METTL2B: variants seen among roughly 807,000 people sequenced by gnomAD.
METTL2B encodes the protein methyltransferase 2B, tRNA N3-cytidine.
A neutral mutation model predicts 51.0 loss-of-function variants in METTL2B; 28 were observed. That is an observed-to-expected ratio of 0.55 (90% CI 0.41 to 0.75). The LOEUF (loss-of-function observed/expected upper bound fraction) is 0.75, where lower values mean the gene tolerates loss of function less well. Ranked by LOEUF, METTL2B falls within the 30% of genes least tolerant of loss-of-function variation. The pLI is 0.00. For synonymous variants in METTL2B, 128 were observed against 166.3 expected, an observed-to-expected ratio of 0.77 and a Z score of 1.77; for missense variants, 313 against 460.7, an observed-to-expected ratio of 0.68 and a Z score of 2.93.
At chr7:128,501,040 A>G (rs1393657574) in intron 8 of METTL2B, 72 bp downstream of exon 8, 1 of 1,603,766 alleles carries the variant, frequency 6.2e-7, no homozygotes, top group African/African-American at 1.3e-5. Flanking sequence ...TTCAGAAGGA[A>G]AACTATCTGG....
In METTL2B at chr7:128,492,112, C is replaced by A. The variant is rs543060165; in HGVS notation, c.670-1692C>A. ...CTCCTGGGCTCAAGTGATTCTCCCA[C>A]CTCCTGTGTAACTGGGACTACGGGC... On this transcript the variant is annotated intron_variant, in intron 5 of 8. Coordinates refer to ENST00000262432, the MANE Select transcript of METTL2B (RefSeq NM_018396.3). 1.1e-4 allele frequency among the ~76,000 whole-genome samples: 17 copies of A among 152,006 alleles called. 1 individual carries two copies. Among genetic ancestry groups the A allele is most frequent in the African/African-American group, 4.1e-4 (17 of 41,474 alleles).
Position 128,499,676 on chromosome 7 carries a change from G to A in METTL2B, c.917-1227G>A, listed in dbSNP as rs533859420. ...CGAGACTACAGGCATGTGCCACCACGCCTGGCTAATTTTTTTGTATTTTTA... is the reference window on the plus strand; with the variant it reads ...CGAGACTACAGGCATGTGCCACCACACCTGGCTAATTTTTTTGTATTTTTA... On this transcript the variant is annotated intron_variant, in intron 7 of 8. Transcript: ENST00000262432. Among the ~76,000 whole-genome samples, 79 of 89,304 alleles carry A rather than the reference G, an allele frequency of 8.8e-4. 3 individuals are homozygous for A. Among genetic ancestry groups the A allele is most frequent in the African/African-American group, 2.6e-3 (75 of 28,778 alleles). The allele number at this position is 89,304 out of a possible 152,430, so 58.6% of individuals were successfully genotyped here. A position where few individuals can be genotyped will look rare whatever the true frequency, so the allele number is the denominator to read the frequency against.
chr7:128,487,186 A>G (rs1792734698), intron 4 of METTL2B, among the ~76,000 whole-genome samples: 1 of 152,096 alleles, frequency 6.6e-6, no homozygotes, highest in Admixed American at 6.6e-5. Context: ...TCTTGATTAT[A>G]CCTCCCAGAA....
chr7:128,484,217 C>CTTTTTTTTTTTTGTTTTGTTTTTTT (rs1428525341), intron 4 of METTL2B: 1 of 42,414 alleles, frequency 2.4e-5, no homozygotes, highest in Admixed American at 2.9e-4. Flanking sequence ...TGCCTAGATC[C>CTTTTTTTTTTTTGTTTTGTTTTTTT]TTTTTTTTTT....
chr7:128,477,505 C>A (rs1799818029), intron 2 of METTL2B, among the ~76,000 whole-genome samples: 1 of 152,072 alleles, frequency 6.6e-6, no homozygotes, highest in Non-Finnish European at 1.5e-5. Flanking sequence ...GTACTTTTTA[C>A]ATGATTTGCA....
intron 6 of METTL2B, among the ~76,000 whole-genome samples, chr7:128,495,175 C>G (rs2116862177): frequency 6.6e-6 from 1 of 152,186 alleles, no homozygotes; most frequent in Non-Finnish European, 1.5e-5. Context: ...CCTGCCACGG[C>G]CTCCCAAAGT....
In METTL2B at chr7:128,496,760, C is replaced by CTTTGTTTG. The variant is rs68069472; in HGVS notation, c.810-1248_810-1241dup. Among the ~76,000 whole-genome samples the CTTTGTTTG allele has an allele frequency of 9.7e-3, 1,440 of 149,080 alleles. 16 individuals carry two copies. The highest frequency in any genetic ancestry group is 0.021 in the African/African-American group (845 of 40,420). On this transcript the variant is annotated intron_variant, in intron 6 of 8. Coordinates refer to ENST00000262432, the MANE Select transcript of METTL2B (RefSeq NM_018396.3). ...CATAGCAGGACCCCAGCTGCTTTTT[C>CTTTGTTTG]TTTGTTTGTTTGTTTGTTTGTTTGT...
chr7:128,483,063 C>T (rs866138505), intron 4 of METTL2B: 2 of 152,150 alleles, frequency 1.3e-5, no homozygotes, highest in Non-Finnish European at 2.9e-5. Flanking sequence ...AGTACTAACA[C>T]TGAAGAAAAG....
rs191988207 is a variant in METTL2B, at chr7:128,504,951, G to T, written c.*3035G>T. The T allele has an allele frequency of 0.016, 2,369 of 152,268 alleles. 31 individuals carry two copies. Among genetic ancestry groups the T allele is most frequent in the South Asian group, 0.056 (268 of 4,820 alleles). The allele number at this position is 152,268 out of a possible 1,614,324, so 9.4% of individuals were successfully genotyped here. ...CCGTCTCTACTAAAAATACAAAATA[G>T]CCAGGTGTGATGGCGCATGCCTGTA... On this transcript the variant is annotated 3_prime_UTR_variant, in exon 9 of 9. Coordinates refer to ENST00000262432, the MANE Select transcript of METTL2B (RefSeq NM_018396.3).
intron 5 of METTL2B, among the ~76,000 whole-genome samples, chr7:128,492,002 T>A (rs1423932897): frequency 1.3e-5 from 2 of 152,120 alleles, no homozygotes; most frequent in Non-Finnish European, 2.9e-5. Context: ...TTTTGAATCG[T>A]GTACTTTGTT....
intron 6 of METTL2B, among the ~76,000 whole-genome samples, chr7:128,496,572 G>A (rs1009376468): frequency 1.3e-5 from 2 of 152,096 alleles, no homozygotes; most frequent in Non-Finnish European, 2.9e-5. Context: ...GACTTTAGAA[G>A]TTTCAATGCT....
chr7:128,500,031 T>C (rs1391973350), intron 7 of METTL2B, among the ~76,000 whole-genome samples: 1 of 151,952 alleles, frequency 6.6e-6, no homozygotes, highest in East Asian at 1.9e-4. Context: ...AGGAGAGCAA[T>C]GTGCAAGGGA....
intron 5 of METTL2B, among the ~76,000 whole-genome samples, chr7:128,492,322 A>G (rs1405563056): frequency 4.0e-5 from 6 of 149,820 alleles, no homozygotes; most frequent in Admixed American, 2.7e-4. Context: ...GCACCCAGCT[A>G]ATTTTTTGTA....
intron 4 of METTL2B, among the ~76,000 whole-genome samples, chr7:128,486,536 G>C (rs1792722564): frequency 6.6e-6 from 1 of 151,612 alleles, no homozygotes; most frequent in East Asian, 1.9e-4. Context: ...GGAGGCAGAG[G>C]CTGCAGTGAG....
chr7:128,497,964 G>A (rs1792952841), intron 6 of METTL2B, 72 bp from the exon 7 acceptor site: 1 of 1,516,502 alleles, frequency 6.6e-7, no homozygotes, highest in African/African-American at 1.4e-5. Flanking sequence ...GGCTTTTTGG[G>A]ATATGCTACA....
At position 128,479,061 on chromosome 7, in the gene METTL2B, T is replaced by A. The variant is rs897762025; in HGVS notation, c.203-97T>A. ...TGGCTCTACCTGAGGATAATTTTAG[T>A]ATTAAAGTGACATTTGGTAAAGCAG... On this transcript the variant is annotated intron_variant, in intron 2 of 8. Coordinates refer to ENST00000262432, the MANE Select transcript of METTL2B (RefSeq NM_018396.3). The A allele has an allele frequency of 2.4e-6, 3 of 1,272,820 alleles. No individual in the cohort carries two copies. In the African/African-American group the frequency reaches 4.5e-5, roughly 19 times the overall value. The allele number at this position is 1,272,820 out of a possible 1,614,324, so 78.8% of individuals were successfully genotyped here. A position where few individuals can be genotyped will look rare whatever the true frequency, so the allele number is the denominator to read the frequency against.
chr7:128,477,021 C>T (rs1799809851), intron 1 of METTL2B, 61 bp from the exon 2 acceptor site: 11 of 1,562,272 alleles, frequency 7.0e-6, no homozygotes, highest in Non-Finnish European at 9.6e-6. Context: ...CCTAGGCCAG[C>T]GACTCACCCT....
chr7:128,488,128 T>C lies in METTL2B; in HGVS notation c.636T>C (p.Cys212=). 1 of 1,612,518 alleles carries C rather than the reference T, an allele frequency of 6.2e-7. No homozygotes were observed. The highest frequency in any genetic ancestry group is 8.5e-7 in the Non-Finnish European group (1 of 1,179,498). ...NNDPGLFVYC[C]DFSSTAIELV... ...ACCCAGGACTCTTTGTTTATTGCTG[T>C]GATTTTTCTTCCACAGCTATAGAAC... The change falls in exon 5 of 9, where the codon TGT becomes TGC. Residue 212 remains cysteine (C), a synonymous_variant. Coordinates refer to ENST00000262432, the MANE Select transcript of METTL2B (RefSeq NM_018396.3).
intron 7 of METTL2B, among the ~76,000 whole-genome samples, 155 bp from the exon 8 acceptor site, chr7:128,500,748 C>A (rs891355115): frequency 6.6e-6 from 1 of 152,122 alleles, no homozygotes; most frequent in Non-Finnish European, 1.5e-5. Context: ...TGTTTTCTGA[C>A]ATTGTGACTT....
Sources: gnomAD v4.1 joint callset for allele counts (sites outside exome capture counted in the v4.1 genomes callset) on GRCh38, gnomAD v4.1.1 for gene constraint, MANE v1.5 for transcripts, NCBI Gene and HGNC (gene_info 2026-07-23, HGNC 2026-07-21) for gene names.